Variants in CDH13 observed in about 807,000 individuals in gnomAD.
CDH13 encodes cadherin-13.
CDH13 carries 24 observed loss-of-function variants against 63.8 expected under a neutral mutation model. The observed-to-expected ratio is 0.38, with a 90% CI of 0.27 to 0.53. The LOEUF is 0.53. CDH13 is among the 20% of genes least tolerant of loss of function. The pLI, the probability that CDH13 is intolerant of heterozygous loss-of-function variation, is 0.85. For synonymous variants in CDH13, 503 were observed against 355.3 expected (o/e 1.42, Z -4.67); for missense variants, 1,049 against 903.1 (o/e 1.16, Z -2.07).
At chr16:82,835,712 C>G (rs576271038) in intron 1 of CDH13, among the ~76,000 whole-genome samples, 8 of 152,270 alleles carry the variant, frequency 5.3e-5, no homozygotes, top group African/African-American at 1.4e-4. Flanking sequence ...AGAAGTTTCC[C>G]TAGTTTTGCT....
intron 7 of CDH13, among the ~76,000 whole-genome samples, chr16:83,505,741 C>G (rs531457694): frequency 6.6e-6 from 1 of 151,956 alleles, no homozygotes; most frequent in Non-Finnish European, 1.5e-5. Flanking sequence ...CGGTGTTTCT[C>G]CATGTTGGTT....
At chr16:83,726,812 TG>T (rs199831336) in intron 10 of CDH13, among the ~76,000 whole-genome samples, 3,437 of 145,436 alleles carry the variant, frequency 0.024, 142 homozygotes, top group East Asian at 0.19. Flanking sequence ...CGCTCCAGCC[TG>T]GGGCGACAGA....
chr16:83,648,120 G>A (rs1348169314), intron 8 of CDH13, among the ~76,000 whole-genome samples: 1 of 152,098 alleles, frequency 6.6e-6, no homozygotes, highest in Non-Finnish European at 1.5e-5. Flanking sequence ...CAACAAAGCA[G>A]GAGTTAAGGG....
intron 4 of CDH13, among the ~76,000 whole-genome samples, chr16:83,192,600 G>A (rs1349762488): frequency 1.3e-5 from 2 of 152,162 alleles, no homozygotes; most frequent in South Asian, 2.1e-4. Flanking sequence ...CTGAGTTTCC[G>A]TGGTTGACTG....
At chr16:83,076,511 G>A (rs4783321) in intron 3 of CDH13, among the ~76,000 whole-genome samples, 80,489 of 151,900 alleles carry the variant, frequency 0.53, 22,027 homozygotes, top group African/African-American at 0.67. Context: ...GTATTTTATT[G>A]TGAACATTTT....
intron 1 of CDH13, among the ~76,000 whole-genome samples, chr16:82,813,199 C>G (rs993085022): frequency 6.6e-6 from 1 of 152,020 alleles, no homozygotes; most frequent in Non-Finnish European, 1.5e-5. Context: ...ATTGGAGAGA[C>G]ATTATCCAGG....
At chr16:82,805,268 G>C (rs1003538641) in intron 1 of CDH13, among the ~76,000 whole-genome samples, 5 of 152,166 alleles carry the variant, frequency 3.3e-5, no homozygotes, top group Non-Finnish European at 2.9e-5. Flanking sequence ...GAAGAGAGAA[G>C]TGATTAGATG....
At chr16:82,756,636 G>T (rs529151295) in intron 1 of CDH13, among the ~76,000 whole-genome samples, 247 of 152,272 alleles carry the variant, frequency 1.6e-3, no homozygotes, top group Admixed American at 3.1e-3. Flanking sequence ...GGAGTAACAG[G>T]TCAGTGAGAA....
At chr16:83,136,640 C>T (rs940435190) in intron 4 of CDH13, among the ~76,000 whole-genome samples, 11 of 152,280 alleles carry the variant, frequency 7.2e-5, no homozygotes, top group Non-Finnish European at 1.6e-4. Flanking sequence ...ATAGCTGTTC[C>T]TTCTCTGCCG....
intron 7 of CDH13, among the ~76,000 whole-genome samples, chr16:83,566,885 A>G (rs1904285589): frequency 6.6e-6 from 1 of 152,178 alleles, no homozygotes; most frequent in South Asian, 2.1e-4. Context: ...CAAGAGGAAA[A>G]AAAAGAAGAA....
intron 1 of CDH13, among the ~76,000 whole-genome samples, chr16:82,805,548 G>C (rs1203737704): frequency 6.6e-6 from 1 of 152,176 alleles, no homozygotes; most frequent in Non-Finnish European, 1.5e-5. Context: ...CAGGGCCAAT[G>C]ACAGATAGTT....
At position 82,930,146 on chromosome 16, in the gene CDH13, C is replaced by G. The variant is rs527917264; in HGVS notation, c.157+71673C>G. ...TACAACCTCTGCCTCCCAATATAAC[C>G]TTTGTATTTTTAAGAGAGATGGCAT... On this transcript the variant is annotated intron_variant, in intron 2 of 13. Coordinates refer to ENST00000567109, the MANE Select transcript of CDH13 (RefSeq NM_001257.5). 2.7e-5 allele frequency among the ~76,000 whole-genome samples: 4 copies of G among 145,898 alleles called. No individual in the cohort carries two copies. In the South Asian group the frequency reaches 8.8e-4, roughly 32 times the overall value.
chr16:83,596,929 A>C (rs1907317758), intron 7 of CDH13, among the ~76,000 whole-genome samples: 1 of 152,214 alleles, frequency 6.6e-6, no homozygotes, highest in African/African-American at 2.4e-5. Context: ...TGCTTTTAAA[A>C]GTGAAAACTT....
At chr16:83,706,212 G>C (rs530684654) in intron 10 of CDH13, among the ~76,000 whole-genome samples, 39 of 152,266 alleles carry the variant, frequency 2.6e-4, no homozygotes, top group African/African-American at 8.9e-4. Flanking sequence ...ACGAGGCCTG[G>C]GCTCTCTCAC....
chr16:82,652,432 GA>G (rs1432678188), intron 1 of CDH13, among the ~76,000 whole-genome samples: 2 of 152,336 alleles, frequency 1.3e-5, no homozygotes, highest in African/African-American at 4.8e-5. Context: ...GATTGCATCA[GA>G]AAAGCCATTC....
intron 6 of CDH13, chr16:83,383,155 G>A (rs937406302): frequency 1.3e-5 from 2 of 152,130 alleles, no homozygotes; most frequent in Non-Finnish European, 2.9e-5. Context: ...GATGCTCAAC[G>A]TGGTCCATCT....
At position 83,696,674 on chromosome 16, in the gene CDH13, C is replaced by T. The variant is rs180775327; in HGVS notation, c.1538+18213C>T. Among the ~76,000 whole-genome samples, 288 of 152,358 alleles carry T rather than the reference C, an allele frequency of 1.9e-3. 1 individual carries two copies. The highest frequency in any genetic ancestry group is 0.01 in the Middle Eastern group (3 of 294). ...AGATTACCTAGTCACTGGTAAAACA[C>T]AGCAACTGGCCTTCATCTCCAAAAT... is the stretch of plus-strand genomic sequence containing the variant. On this transcript the variant is annotated intron_variant, in intron 10 of 13. Transcript: ENST00000567109.
chr16:83,285,913 T>G (rs1353038411), intron 5 of CDH13, among the ~76,000 whole-genome samples: 1 of 152,192 alleles, frequency 6.6e-6, no homozygotes, highest in Admixed American at 6.5e-5. Context: ...GACAAGGGTG[T>G]GGACCAAAGA....
At chr16:83,495,889 T>A (rs896605923) in intron 7 of CDH13, among the ~76,000 whole-genome samples, 6 of 152,114 alleles carry the variant, frequency 3.9e-5, no homozygotes, top group Non-Finnish European at 8.8e-5. Context: ...AGCCAAATCA[T>A]GAGTGAACTC....
Sources: allele counts gnomAD v4.1 joint callset (sites outside exome capture counted in the v4.1 genomes callset), GRCh38; gene constraint gnomAD v4.1.1; transcripts MANE v1.5; gene names NCBI Gene and HGNC (gene_info 2026-07-23, HGNC 2026-07-21).